Variants in NFIB observed in about 807,000 individuals in gnomAD.
The protein encoded by NFIB is nuclear factor I B, also known as nuclear factor 1 B-type.
Under a neutral mutation model 61.5 loss-of-function variants are expected in NFIB, and 11 were observed. The observed-to-expected ratio is 0.18, with a 90% confidence interval of 0.11 to 0.30. NFIB has a LOEUF of 0.30. Among genes scored for constraint, NFIB ranks in the 10% least tolerant of loss-of-function variants. The pLI, the probability that NFIB is intolerant of heterozygous loss-of-function variation, is 1.00. For missense variants in NFIB, 471 were observed against 608.9 expected, an observed-to-expected ratio of 0.77 and a Z score of 2.38; for synonymous variants, 260 against 216.5, an observed-to-expected ratio of 1.20 and a Z score of -1.76.
intron 2 of NFIB, among the ~76,000 whole-genome samples, chr9:14,279,834 G>A (rs2058252535): frequency 6.6e-6 from 1 of 152,168 alleles, no homozygotes; most frequent in African/African-American, 2.4e-5. Flanking sequence ...ATAATGATGT[G>A]AACTCAGAAG....
chr9:14,107,494 A>G (rs2036738316), intron 10 of NFIB, among the ~76,000 whole-genome samples: 1 of 152,102 alleles, frequency 6.6e-6, no homozygotes, highest in African/African-American at 2.4e-5. Flanking sequence ...TTAACCATAA[A>G]TCATAAGATA....
At chr9:14,236,136 G>A (rs1250484971) in intron 2 of NFIB, among the ~76,000 whole-genome samples, 3 of 152,088 alleles carry the variant, frequency 2.0e-5, no homozygotes, top group South Asian at 2.1e-4. Flanking sequence ...ACAAAGACAT[G>A]TGTACGCATT....
chr9:14,231,135 A>AAAAAAAAATATATAT (rs55959148), intron 2 of NFIB, among the ~76,000 whole-genome samples: 5 of 35,352 alleles, frequency 1.4e-4, no homozygotes, highest in Admixed American at 3.5e-4. Flanking sequence ...AAAAAAAAAA[A>AAAAAAAAATATATAT]ATATATATAT....
intron 2 of NFIB, among the ~76,000 whole-genome samples, chr9:14,203,585 G>T (rs1445277967): frequency 6.6e-6 from 1 of 152,174 alleles, no homozygotes; most frequent in Non-Finnish European, 1.5e-5. Flanking sequence ...TCTCCGCGCG[G>T]GCAGGATCTA....
At chr9:14,188,043 G>C (rs1218665780) in intron 2 of NFIB, among the ~76,000 whole-genome samples, 4 of 152,138 alleles carry the variant, frequency 2.6e-5, no homozygotes, top group African/African-American at 7.2e-5. Flanking sequence ...TAGGGATTGA[G>C]TGAACCAAAG....
intron 3 of NFIB, among the ~76,000 whole-genome samples, chr9:14,168,449 G>A (rs2045180677): frequency 1.3e-5 from 2 of 152,184 alleles, no homozygotes; most frequent in Admixed American, 1.3e-4. Context: ...AAGCATTCTA[G>A]GCAGAGAAAC....
At chr9:14,229,973 T>A (rs1672396855) in intron 2 of NFIB, among the ~76,000 whole-genome samples, 1 of 152,166 alleles carries the variant, frequency 6.6e-6, no homozygotes, top group African/African-American at 2.4e-5. Flanking sequence ...GCTAATTATT[T>A]TGTATTTTTA....
the NFIB span, among the ~76,000 whole-genome samples, chr9:14,470,699 C>T: frequency 2.0e-5 from 3 of 152,174 alleles, no homozygotes; most frequent in Non-Finnish European, 2.9e-5. Context: ...ACCACATGTC[C>T]ACAGCAATTA....
In NFIB at chr9:14,113,518, T is replaced by C. The variant is rs751092701; in HGVS notation, c.1385-437A>G. On this transcript the variant is annotated intron_variant, in intron 9 of 10. Transcript: ENST00000380953. ...GCCAGGAAAAAGTGACAGCTTTTAA[T>C]GATGGAATTTAAGCAGATGTTCTTA... 1.1e-4 allele frequency among the ~76,000 whole-genome samples: 17 copies of C among 152,346 alleles called. No homozygotes were observed. In the East Asian group the frequency reaches 1.2e-3, roughly 10 times the overall value.
intron 2 of NFIB, chr9:14,305,892 G>A: frequency 1.1e-6 from 1 of 927,922 alleles, no homozygotes; most frequent in Non-Finnish European, 1.5e-6. Context: ...CCTACCATCT[G>A]TGACAGCTCA....
At chr9:14,519,084 G>A in the NFIB span, among the ~76,000 whole-genome samples, 38 of 152,154 alleles carry the variant, frequency 2.5e-4, no homozygotes, top group African/African-American at 8.7e-4. Context: ...TTTAAGTTGT[G>A]TGTATGGTGG....
At chr9:14,441,269 G>A in the NFIB span, among the ~76,000 whole-genome samples, 1 of 152,034 alleles carries the variant, frequency 6.6e-6, no homozygotes. Flanking sequence ...GTGCCTCATG[G>A]AAAACCAAGA....
At chr9:14,194,345 CA>C (rs1389637942) in intron 2 of NFIB, among the ~76,000 whole-genome samples, 1 of 152,090 alleles carries the variant, frequency 6.6e-6, no homozygotes, top group Non-Finnish European at 1.5e-5. Flanking sequence ...ATAAATATGA[CA>C]GCAGACATAT....
chr9:14,156,733 T>G (rs765006017), intron 3 of NFIB, among the ~76,000 whole-genome samples: 5 of 152,148 alleles, frequency 3.3e-5, no homozygotes, highest in Non-Finnish European at 7.3e-5. Context: ...TTCTCATCTA[T>G]GTTAAGGGGG....
At chr9:14,323,011 G>A (rs1352947699) in intron 1 of NFIB, among the ~76,000 whole-genome samples, 1 of 152,220 alleles carries the variant, frequency 6.6e-6, no homozygotes, top group Non-Finnish European at 1.5e-5. Flanking sequence ...CAACAATAAT[G>A]ATAAAGAATA....
the NFIB span, among the ~76,000 whole-genome samples, chr9:14,414,431 CAAAAAAAAA>C: frequency 1.8e-5 from 1 of 56,656 alleles, no homozygotes; most frequent in Non-Finnish European, 4.1e-5. Context: ...GAGACTGTCT[CAAAAAAAAA>C]AAAAAAAAAA....
chr9:14,322,106 A>G, intron 1 of NFIB: 1 of 1,147,124 alleles, frequency 8.7e-7, no homozygotes, highest in Admixed American at 4.8e-5. Context: ...AAAAAAAGCA[A>G]TCCGGGAGTA....
chr9:14,121,236 C>A (rs1056622218), intron 7 of NFIB, among the ~76,000 whole-genome samples: 4 of 152,228 alleles, frequency 2.6e-5, no homozygotes, highest in Non-Finnish European at 4.4e-5. Flanking sequence ...TGCGCTCCAA[C>A]CTGGTGACAG....
intron 6 of NFIB, among the ~76,000 whole-genome samples, chr9:14,126,108 T>C (rs1191059526): frequency 6.6e-6 from 1 of 152,212 alleles, no homozygotes; most frequent in Non-Finnish European, 1.5e-5. Flanking sequence ...GAGATTTATA[T>C]GATTCAGAAG....
Sources: allele counts gnomAD v4.1 joint callset (sites outside exome capture counted in the v4.1 genomes callset), GRCh38; gene constraint gnomAD v4.1.1; transcripts MANE v1.5; gene names NCBI Gene and HGNC (gene_info 2026-07-23, HGNC 2026-07-21).